The following ADAMTS17 variants were observed in gnomAD, a reference collection of about 807,000 sequenced individuals.
The protein encoded by ADAMTS17 is A disintegrin and metalloproteinase with thrombospondin motifs 17.
In ADAMTS17, 113 loss-of-function variants were observed where a neutral mutation model predicts 141.5. That is an observed-to-expected ratio of 0.80 (90% CI 0.69 to 0.93). The LOEUF is 0.93. Ranked by LOEUF, ADAMTS17 falls within the 40% of genes least tolerant of loss-of-function variation. The probability of loss-of-function intolerance (pLI) is 0.00; values close to 1 mark genes in which losing one functional copy is unlikely to be tolerated. For synonymous variants in ADAMTS17, 768 were observed against 630.6 expected (o/e 1.22, Z -3.27); for missense variants, 1,659 against 1,517.9 (o/e 1.09, Z -1.54).
Position 100,261,552 on chromosome 15 carries a change from A to G in ADAMTS17, c.958T>C (p.Tyr320His). The G allele has an allele frequency of 6.2e-7, 1 of 1,614,182 alleles. No homozygotes were observed. The highest frequency in any genetic ancestry group is 8.5e-7 in the Non-Finnish European group (1 of 1,180,028). ...WQNEEYGGAR[Y>H]LGNNQVPGGK... ...CCGGGAACCTGGTTATTGCCGAGGT[A>G]TCGCGCTCCTCCATACTCCTCGTTC... The change falls in exon 6 of 22, where the codon TAC becomes CAC. Residue 320 changes from tyrosine (Y) to histidine (H), a missense_variant. Transcript: ENST00000268070.
At chr15:100,301,814 C>T (rs1249991597) in intron 3 of ADAMTS17, among the ~76,000 whole-genome samples, 1 of 152,158 alleles carries the variant, frequency 6.6e-6, no homozygotes, top group Non-Finnish European at 1.5e-5. Flanking sequence ...TCCCACATCC[C>T]TTTCCACTTC....
At chr15:100,331,205 C>G (rs1446906820) in intron 2 of ADAMTS17, 151 bp from the exon 3 acceptor site, 1 of 975,018 alleles carries the variant, frequency 1.0e-6, no homozygotes, top group Admixed American at 2.0e-5. Context: ...TTTACCTGAG[C>G]CCAAGAGTGA....
chr15:100,062,746 ACTTTGCAACACAGG>A (rs2033216472), intron 15 of ADAMTS17, among the ~76,000 whole-genome samples: 1 of 152,206 alleles, frequency 6.6e-6, no homozygotes, highest in African/African-American at 2.4e-5. Context: ...CTCAATCAGC[ACTTTGCAACACAGG>A]CTGAGAGATG....
chr15:99,992,560 G>C (rs1034827355), intron 20 of ADAMTS17, among the ~76,000 whole-genome samples: 4 of 152,144 alleles, frequency 2.6e-5, no homozygotes, highest in Non-Finnish European at 5.9e-5. Context: ...CCTTGCTCTC[G>C]GGAGTGCTGA....
intron 15 of ADAMTS17, chr15:100,074,131 C>T (rs560020680): frequency 1.3e-5 from 2 of 153,196 alleles, no homozygotes; most frequent in East Asian, 3.9e-4. Context: ...CAGACCTGAC[C>T]TTGCTTAGCT....
At chr15:100,215,661 C>T (rs1466597495) in intron 7 of ADAMTS17, among the ~76,000 whole-genome samples, 3 of 152,028 alleles carry the variant, frequency 2.0e-5, no homozygotes, top group Non-Finnish European at 4.4e-5. Context: ...CCCTGGAGTG[C>T]CCTTCTTGGT....
At chr15:100,097,382 A>C (rs1449123330) in intron 14 of ADAMTS17, among the ~76,000 whole-genome samples, 1 of 152,210 alleles carries the variant, frequency 6.6e-6, no homozygotes, top group African/African-American at 2.4e-5. Context: ...CTACAGCCAG[A>C]ACTCAAGAAA....
chr15:100,158,716 T>A (rs1395939364), intron 8 of ADAMTS17, among the ~76,000 whole-genome samples: 1 of 152,238 alleles, frequency 6.6e-6, no homozygotes, highest in African/African-American at 2.4e-5. Context: ...TTATTTCATT[T>A]AGCATAAAGT....
At chr15:100,199,218 C>G in intron 8 of ADAMTS17, 100 bp downstream of exon 8, 1 of 1,138,762 alleles carries the variant, frequency 8.8e-7, no homozygotes, top group South Asian at 1.2e-5. Flanking sequence ...GCAGCAAAGG[C>G]ATAGAGCAGC....
chr15:100,111,798 C>T (rs1177460588), intron 13 of ADAMTS17, among the ~76,000 whole-genome samples: 2 of 152,194 alleles, frequency 1.3e-5, no homozygotes, highest in African/African-American at 2.4e-5. Flanking sequence ...GTTATCTATT[C>T]GTTTCAGGTG....
At chr15:100,020,836 A>G (rs1596245583) in intron 18 of ADAMTS17, among the ~76,000 whole-genome samples, 1 of 152,142 alleles carries the variant, frequency 6.6e-6, no homozygotes, top group African/African-American at 2.4e-5. Flanking sequence ...CAAGTGACTA[A>G]GGGTGTTTGG....
intron 4 of ADAMTS17, among the ~76,000 whole-genome samples, chr15:100,264,484 T>G (rs1308471985): frequency 6.6e-6 from 1 of 152,138 alleles, no homozygotes; most frequent in East Asian, 1.9e-4. Context: ...ACACTGCCTG[T>G]CACGCCAAGC....
chr15:100,263,738 A>C (rs2043612113), intron 4 of ADAMTS17, among the ~76,000 whole-genome samples: 1 of 152,262 alleles, frequency 6.6e-6, no homozygotes, highest in Non-Finnish European at 1.5e-5. Flanking sequence ...GGGAACAAGA[A>C]TGAGAATCTT....
In ADAMTS17 at chr15:100,247,244, A is replaced by G. The variant is rs181575636; in HGVS notation, c.1075+6892T>C. Among the ~76,000 whole-genome samples, 251 of 152,174 alleles carry G rather than the reference A, an allele frequency of 1.6e-3. No homozygotes were observed. In the Middle Eastern group the frequency reaches 0.027, roughly 16 times the overall value. ...GCACAGTTGAAATTTGCCTTCTGTC[A>G]GCTTACAAGGAATAACAATACAGTG... On this transcript the variant is annotated intron_variant, in intron 7 of 21. Coordinates refer to ENST00000268070, the MANE Select transcript of ADAMTS17 (RefSeq NM_139057.4).
chr15:100,323,066 G>A (rs1311896944), intron 3 of ADAMTS17, among the ~76,000 whole-genome samples: 1 of 117,956 alleles, frequency 8.5e-6, no homozygotes. Flanking sequence ...CAGCCCGGGA[G>A]ACAGCGAGAC....
chr15:100,243,280 G>A (rs144596347), intron 7 of ADAMTS17, among the ~76,000 whole-genome samples: 112 of 152,320 alleles, frequency 7.4e-4, no homozygotes, highest in African/African-American at 2.7e-3. Flanking sequence ...AAATAGTGCT[G>A]CTATGAAGAT....
chr15:99,989,400 C>T (rs914010358), intron 20 of ADAMTS17, among the ~76,000 whole-genome samples: 6 of 152,330 alleles, frequency 3.9e-5, no homozygotes, highest in East Asian at 3.9e-4. Context: ...GCATTTAGGG[C>T]GTGACCGCTA....
chr15:100,302,166 A>G lies in ADAMTS17; in HGVS notation c.617-20765T>C, dbSNP rs548547040. Among the ~76,000 whole-genome samples the G allele has an allele frequency of 2.4e-3, 366 of 152,334 alleles. 2 individuals are homozygous for G. Among genetic ancestry groups the G allele is most frequent in the Non-Finnish European group, 4.0e-3 (271 of 68,036 alleles). ...GGGTATTTCACATTAACAGAATCAT[A>G]TAATATGTGATCTTCTGTGTCTGGT... On this transcript the variant is annotated intron_variant, in intron 3 of 21. Transcript: ENST00000268070.
chr15:100,021,048 C>T (rs2727110), intron 18 of ADAMTS17, among the ~76,000 whole-genome samples: 26,144 of 152,188 alleles, frequency 0.17, 6,447 homozygotes, highest in African/African-American at 0.55. Flanking sequence ...GTGGCTTCTT[C>T]CCTCTCATGG....
Sources: gnomAD v4.1 joint callset for allele counts (sites outside exome capture counted in the v4.1 genomes callset) on GRCh38, gnomAD v4.1.1 for gene constraint, MANE v1.5 for transcripts, NCBI Gene and HGNC (gene_info 2026-07-23, HGNC 2026-07-21) for gene names.